The following NSG2 variants were observed in gnomAD, a reference collection of about 807,000 sequenced individuals.
NSG2 encodes the protein neuronal vesicle trafficking-associated protein 2.
NSG2 carries 4 observed loss-of-function variants against 16.9 expected under a neutral mutation model. The ratio of observed to expected loss-of-function variants is 0.24; its 90% CI spans 0.12 to 0.54. The LOEUF is 0.54. Ranked by LOEUF, NSG2 falls within the 20% of genes least tolerant of loss-of-function variation. The pLI, the probability that NSG2 is intolerant of heterozygous loss-of-function variation, is 0.95. For missense variants in NSG2, 179 were observed against 221.1 expected, an observed-to-expected ratio of 0.81 and a Z score of 1.21; for synonymous variants, 98 against 88.7, an observed-to-expected ratio of 1.11 and a Z score of -0.59.
rs139417046 is a variant in NSG2 at position 174,052,564 on chromosome 5, A to C, written c.129+5680A>C. On this transcript the variant is annotated intron_variant, in intron 2 of 4. Coordinates refer to ENST00000303177, the MANE Select transcript of NSG2 (RefSeq NM_015980.5). Reference sequence around the variant, plus strand: ...AAATCTAGGTGGCTTTCTCCAGGCCATGGGAGCAAGCTCCTGAAAAGCTGG... The same window carrying C: ...AAATCTAGGTGGCTTTCTCCAGGCCCTGGGAGCAAGCTCCTGAAAAGCTGG... Among the ~76,000 whole-genome samples, 151 of 152,326 alleles carry C rather than the reference A, an allele frequency of 9.9e-4. 1 individual carries two copies. Among genetic ancestry groups the C allele is most frequent in the Admixed American group, 3.7e-3 (57 of 15,302 alleles).
At chr5:174,047,781 A>G (rs1406860891) in intron 2 of NSG2, among the ~76,000 whole-genome samples, 1 of 152,118 alleles carries the variant, frequency 6.6e-6, no homozygotes, top group Admixed American at 6.5e-5. Flanking sequence ...AGGGAGAAAT[A>G]GTATCATTTC....
At chr5:174,073,592 GTGTACTATTAGAA>G (rs1412259843) in intron 3 of NSG2, among the ~76,000 whole-genome samples, 1 of 152,218 alleles carries the variant, frequency 6.6e-6, no homozygotes, top group Non-Finnish European at 1.5e-5. Flanking sequence ...GGCTTTGTGA[GTGTACTATTAGAA>G]TGACCTTCAA....
At chr5:174,106,685 C>T (rs1276984291) in intron 4 of NSG2, among the ~76,000 whole-genome samples, 2 of 147,446 alleles carry the variant, frequency 1.4e-5, no homozygotes, top group African/African-American at 2.5e-5. Flanking sequence ...ATCTCTGCCT[C>T]CTGGGTTCAA....
At chr5:174,105,379 A>G (rs1760959978) in intron 4 of NSG2, among the ~76,000 whole-genome samples, 1 of 152,166 alleles carries the variant, frequency 6.6e-6, no homozygotes, top group Admixed American at 6.5e-5. Flanking sequence ...CTCACAGCCA[A>G]TGACTGTTTA....
chr5:174,054,788 A>G (rs1456378741), intron 2 of NSG2, among the ~76,000 whole-genome samples: 1 of 152,244 alleles, frequency 6.6e-6, no homozygotes, highest in African/African-American at 2.4e-5. Flanking sequence ...CTGTGAAGCC[A>G]GTGTCTCTCT....
At chr5:174,064,132 G>T (rs369099850) in intron 2 of NSG2, 100 bp from the exon 3 acceptor site, 1 of 769,078 alleles carries the variant, frequency 1.3e-6, no homozygotes, top group Non-Finnish European at 2.0e-6. Context: ...TTATTTTTTT[G>T]ATCTTTATGT....
chr5:174,064,117 G>T (rs917456137), intron 2 of NSG2, 115 bp from the exon 3 acceptor site: 5 of 671,488 alleles, frequency 7.4e-6, no homozygotes, highest in African/African-American at 1.8e-5. Context: ...TTGAAGGGGG[G>T]TTCTTTATTT....
chr5:174,094,036 GT>G (rs1190857975), intron 3 of NSG2, among the ~76,000 whole-genome samples: 1 of 152,150 alleles, frequency 6.6e-6, no homozygotes, highest in Non-Finnish European at 1.5e-5. Flanking sequence ...ATCTTGCTTC[GT>G]TGCACTATTA....
At chr5:174,071,482 TAAC>T (rs1205741559) in intron 3 of NSG2, among the ~76,000 whole-genome samples, 2 of 152,156 alleles carry the variant, frequency 1.3e-5, no homozygotes, top group Admixed American at 6.5e-5. Context: ...CAAGACTCAG[TAAC>T]AACAACAGCA....
At chr5:174,102,094 A>G (rs1442874142) in intron 3 of NSG2, among the ~76,000 whole-genome samples, 3 of 152,204 alleles carry the variant, frequency 2.0e-5, no homozygotes, top group Non-Finnish European at 2.9e-5. Context: ...TGGTGTCAAC[A>G]GTAGCTTAAA....
intron 3 of NSG2, among the ~76,000 whole-genome samples, chr5:174,067,489 G>A (rs749441939): frequency 6.6e-6 from 1 of 152,260 alleles, no homozygotes; most frequent in Non-Finnish European, 1.5e-5. Context: ...AGTCTTGGGG[G>A]TCAGGAAAGA....
chr5:174,098,030 G>A (rs1200407038), intron 3 of NSG2, among the ~76,000 whole-genome samples: 2 of 152,130 alleles, frequency 1.3e-5, no homozygotes, highest in East Asian at 3.9e-4. Flanking sequence ...TGGTAGGCGA[G>A]AGGGGTGATG....
At chr5:174,104,777 C>A (rs62395641) in intron 4 of NSG2, among the ~76,000 whole-genome samples, 7,613 of 152,284 alleles carry the variant, frequency 0.05, 259 homozygotes, top group Non-Finnish European at 0.067. Flanking sequence ...CCTTGACCCA[C>A]ACTCTGATTA....
intron 3 of NSG2, among the ~76,000 whole-genome samples, chr5:174,066,493 A>G (rs149980262): frequency 6.6e-6 from 1 of 152,352 alleles, no homozygotes; most frequent in African/African-American, 2.4e-5. Context: ...ATAAATGAGA[A>G]CACATCCATA....
At chr5:174,062,157 A>G (rs775267001) in intron 2 of NSG2, among the ~76,000 whole-genome samples, 7 of 152,138 alleles carry the variant, frequency 4.6e-5, no homozygotes, top group African/African-American at 1.2e-4. Context: ...CAACAATCCA[A>G]CGAGGTGGTC....
chr5:174,096,369 G>C (rs1220787337), intron 3 of NSG2, among the ~76,000 whole-genome samples: 1 of 152,124 alleles, frequency 6.6e-6, no homozygotes, highest in East Asian at 1.9e-4. Context: ...GGTGAGCAGG[G>C]ACTTGACAGG....
intron 3 of NSG2, among the ~76,000 whole-genome samples, chr5:174,098,060 T>C (rs972996516): frequency 6.6e-6 from 1 of 151,902 alleles, no homozygotes; most frequent in Non-Finnish European, 1.5e-5. Context: ...TGTGCTCCTA[T>C]GGAGGAGGAA....
At chr5:174,086,839 A>G (rs1366387311) in intron 3 of NSG2, among the ~76,000 whole-genome samples, 1 of 152,236 alleles carries the variant, frequency 6.6e-6, no homozygotes, top group African/African-American at 2.4e-5. Flanking sequence ...CTACATCGGC[A>G]GGGCCCTCGG....
At chr5:174,058,392 C>T (rs915615137) in intron 2 of NSG2, among the ~76,000 whole-genome samples, 2 of 152,150 alleles carry the variant, frequency 1.3e-5, no homozygotes, top group Non-Finnish European at 2.9e-5. Flanking sequence ...GATCATGCCA[C>T]TGCACTCCAG....
Sources: gnomAD v4.1 joint callset for allele counts (sites outside exome capture counted in the v4.1 genomes callset) on GRCh38, gnomAD v4.1.1 for gene constraint, MANE v1.5 for transcripts, NCBI Gene and HGNC (gene_info 2026-07-23, HGNC 2026-07-21) for gene names.